Variants in ZSCAN26 observed in about 807,000 individuals in gnomAD.
ZSCAN26 encodes the protein zinc finger and SCAN domain-containing protein 26.
In ZSCAN26, 26 loss-of-function variants were observed where a neutral mutation model predicts 23.0. That is an observed-to-expected ratio of 1.13 (90% confidence interval 0.83 to 1.57). ZSCAN26 has a LOEUF of 1.57. Among genes scored for constraint, ZSCAN26 ranks in the 40% most tolerant of loss-of-function variants. The pLI is 0.00. For synonymous variants in ZSCAN26, 180 were observed against 202.5 expected (o/e 0.89, Z 0.94); for missense variants, 528 against 568.5 (o/e 0.93, Z 0.72).
rs1261429772 is a variant in ZSCAN26 at position 28,276,474 on chromosome 6, A to G, written c.818A>G (p.His273Arg). The G allele has an allele frequency of 5.6e-6, 9 of 1,614,024 alleles. No individual in the cohort carries two copies. Among genetic ancestry groups the G allele is most frequent in the Non-Finnish European group, 6.8e-6 (8 of 1,179,864 alleles). Reference sequence around the variant, plus strand: ...TGTCAGAGTTCCAGTCTTACAGGACATAAGAAAGTCCTCTCTAGAGAGAAA... The same window carrying G: ...TGTCAGAGTTCCAGTCTTACAGGACGTAAGAAAGTCCTCTCTAGAGAGAAA... ...DVCQSSSLTG[H>R]KKVLSREKGH... is the part of the protein sequence containing the mutation. Residue 273 changes from histidine to arginine, a missense_variant, in exon 4 of 4, where the codon CAT (histidine) becomes CGT (arginine). Physicochemically the swap from His to Arg is conservative, Grantham distance 29. Coordinates refer to ENST00000421553, the MANE Select transcript of ZSCAN26 (RefSeq NM_001023560.4).
chr6:28,271,786 A>G (rs933829179), intron 1 of ZSCAN26, 68 bp from the exon 2 acceptor site: 1 of 823,174 alleles, frequency 1.2e-6, no homozygotes, highest in Non-Finnish European at 1.9e-6. Context: ...TATAAACCCA[A>G]GAAAATGTTA....
At chr6:28,268,899 G>A (rs1341468785) in intron 1 of ZSCAN26, among the ~76,000 whole-genome samples, 3 of 152,048 alleles carry the variant, frequency 2.0e-5, no homozygotes, top group African/African-American at 4.8e-5. Flanking sequence ...GATCACTTGA[G>A]GTCAGGAATT....
At position 28,276,682 on chromosome 6, in the gene ZSCAN26, C is replaced by A. The variant is rs934351943; in HGVS notation, c.1026C>A (p.Ile342=). 6 of 1,611,630 alleles carry A rather than the reference C, an allele frequency of 3.7e-6. No homozygotes were observed. In the Admixed American group the frequency reaches 5.0e-5, roughly 14 times the overall value. Residue 342 remains isoleucine (I), a synonymous_variant, in exon 4 of 4, where the codon ATC becomes ATA. Transcript: ENST00000421553. ...IHTGEKPYLC[I]HCGKNFRRSS... ...CTGGAGAGAAACCTTATCTATGTAT[C>A]CATTGTGGAAAAAATTTTAGGCGCA...
At position 28,276,387 on chromosome 6, in the gene ZSCAN26, AC is replaced by A; in HGVS notation, c.732del (p.Leu245TrpfsTer3). The A allele has an allele frequency of 6.2e-7, 1 of 1,614,044 alleles. No individual in the cohort carries two copies. Among genetic ancestry groups the A allele is most frequent in the Non-Finnish European group, 8.5e-7 (1 of 1,179,896 alleles). ...CSEREQRFIQ[H>X]LDLIEHASTH... is the part of the protein sequence containing the mutation. ...GAACGTGAGCAGAGATTCATCCAGC[AC>A]TTGGACCTGATTGAACATGCGAGTA... On this transcript the variant is annotated frameshift_variant, in exon 4 of 4. Coordinates refer to ENST00000421553, the MANE Select transcript of ZSCAN26 (RefSeq NM_001023560.4). LOFTEE classifies it low-confidence loss of function (END_TRUNC).
chr6:28,271,332 C>T (rs1051160052), intron 1 of ZSCAN26, among the ~76,000 whole-genome samples: 5 of 152,118 alleles, frequency 3.3e-5, no homozygotes, highest in African/African-American at 1.2e-4. Context: ...TCTCTATTTC[C>T]TTGTCTTTCA....
In ZSCAN26 at chr6:28,277,956, A is replaced by G. The variant is rs1000407622; in HGVS notation, c.*860A>G. 2 of 152,204 alleles carry G rather than the reference A, an allele frequency of 1.3e-5. No individual in the cohort carries two copies. The highest frequency in any genetic ancestry group is 2.9e-5 in the Non-Finnish European group (2 of 68,036). The allele number at this position is 152,204 out of a possible 1,614,324, so 9.4% of individuals were successfully genotyped here. ...TTTTCCCTTTAATACTGATGATGCA[A>G]TTTTGAAATGTTGCTTGTTCTGGAA... On this transcript the variant is annotated 3_prime_UTR_variant, in exon 4 of 4. Transcript: ENST00000421553.
At chr6:28,272,435 A>G in intron 2 of ZSCAN26, 96 bp downstream of exon 2, 1 of 1,372,618 alleles carries the variant, frequency 7.3e-7, no homozygotes, top group South Asian at 1.6e-5. Flanking sequence ...AGAATTACTA[A>G]GCTTTGATTC....
At chr6:28,274,338 G>T (rs1363016912) in intron 3 of ZSCAN26, among the ~76,000 whole-genome samples, 1 of 152,024 alleles carries the variant, frequency 6.6e-6, no homozygotes, top group African/African-American at 2.4e-5. Context: ...CTTTCTTCTG[G>T]GAGCATCCTG....
In ZSCAN26 at chr6:28,276,831, C is replaced by T. The variant is rs749003843; in HGVS notation, c.1175C>T (p.Ser392Phe). ...LTHHQRIHSH[S>F]KSHQCNECGK... The stretch of plus-strand genomic sequence containing the variant: ...CACCATCAGAGAATCCATAGTCACT[C>T]CAAAAGCCATCAATGTAACGAGTGT... The change falls in exon 4 of 4, where the codon TCC becomes TTC. Residue 392 changes from serine to phenylalanine, a missense_variant. Ser to Phe is a radical substitution (Grantham distance 155, BLOSUM62 -2). Transcript: ENST00000421553. 3 of 1,613,906 alleles carry T rather than the reference C, an allele frequency of 1.9e-6. 1 individual carries two copies. In the African/African-American group the frequency reaches 4.0e-5, roughly 22 times the overall value.
At chr6:28,269,768 T>C (rs1467563918) in intron 1 of ZSCAN26, among the ~76,000 whole-genome samples, 3 of 152,202 alleles carry the variant, frequency 2.0e-5, no homozygotes, top group Non-Finnish European at 4.4e-5. Context: ...ACCAACATTA[T>C]GGAGGGCAGT....
Position 28,277,408 on chromosome 6 carries a change from G to T in ZSCAN26, c.*312G>T. ...AGCTTCATGACTGAGTAAGAGTTTT[G>T]AAGTCAGCAGTGAATCAAGTGCCCA... On this transcript the variant is annotated 3_prime_UTR_variant, in exon 4 of 4. Coordinates refer to ENST00000421553, the MANE Select transcript of ZSCAN26 (RefSeq NM_001023560.4). 3.6e-6 allele frequency: 1 copy of T among 276,602 alleles called. No homozygotes were observed. Among genetic ancestry groups the T allele is most frequent in the Non-Finnish European group, 6.8e-6 (1 of 146,796 alleles). 17.1% of individuals were successfully genotyped at this position (276,602 alleles called of 1,614,324 possible).
intron 1 of ZSCAN26, among the ~76,000 whole-genome samples, chr6:28,271,434 G>A (rs1441421205): frequency 6.6e-6 from 1 of 151,416 alleles, no homozygotes; most frequent in African/African-American, 2.4e-5. Context: ...TGGTTGCCCA[G>A]GCTGAACTCA....
intron 1 of ZSCAN26, among the ~76,000 whole-genome samples, chr6:28,271,234 G>A (rs377453320): frequency 1.8e-4 from 27 of 152,152 alleles, no homozygotes; most frequent in South Asian, 1.7e-3. Context: ...CCAGGATTCC[G>A]GCTCCATATA....
In ZSCAN26 at chr6:28,272,265, C is replaced by G; in HGVS notation, c.346C>G (p.Pro116Ala). ...CCAGGCCCGGGTGCAGGAGCATCAC[C>G]CAGAGAGCAGGGAGGACGTGGTTGT... The part of the protein sequence containing the change: ...ELQARVQEHH[P>A]ESREDVVVVL... The change falls in exon 2 of 4, where the codon CCA (proline) becomes GCA (alanine). Residue 116 changes from proline to alanine, a missense_variant. By Grantham distance (27) the Pro-to-Ala change is conservative. Transcript: ENST00000421553. The G allele has an allele frequency of 6.2e-7, 1 of 1,608,894 alleles. No homozygotes were observed. Among genetic ancestry groups the G allele is most frequent in the Non-Finnish European group, 8.5e-7 (1 of 1,177,504 alleles).
In ZSCAN26 at chr6:28,272,749, G is replaced by C; in HGVS notation, c.500G>C (p.Arg167Pro). ...PLKGVQEQQVRHECEVTKPEK... is the reference protein window; with the variant it reads ...PLKGVQEQQVPHECEVTKPEK... Reference sequence around the variant, plus strand: ...AAAGGAGTACAGGAACAGCAGGTTCGGCATGAGTGTGAAGTTACAAAGCCT... The same window carrying C: ...AAAGGAGTACAGGAACAGCAGGTTCCGCATGAGTGTGAAGTTACAAAGCCT... Residue 167 changes from arginine (R) to proline (P), a missense_variant, in exon 3 of 4, where the codon CGG (arginine) becomes CCG (proline). Coordinates refer to ENST00000421553, the MANE Select transcript of ZSCAN26 (RefSeq NM_001023560.4). 2 of 1,613,434 alleles carry C rather than the reference G, an allele frequency of 1.2e-6. No individual in the cohort carries two copies. Among genetic ancestry groups the C allele is most frequent in the Non-Finnish European group, 1.7e-6 (2 of 1,179,674 alleles).
Position 28,272,717 on chromosome 6 carries a change from C to A in ZSCAN26, c.468C>A (p.Ala156=). The change falls in exon 3 of 4, where the codon GCC becomes GCA. Residue 156 remains alanine, a synonymous_variant. Transcript: ENST00000421553. Reference sequence around the variant, plus strand: ...AAAAAATACTTGTGGAGGAGATGGCCCCTCTGAAAGGAGTACAGGAACAGC... The same window carrying A: ...AAAAAATACTTGTGGAGGAGATGGCACCTCTGAAAGGAGTACAGGAACAGC... The part of the protein sequence containing the change: ...KKQKILVEEM[A]PLKGVQEQQV... 6.2e-7 allele frequency: 1 copy of A among 1,613,160 alleles called. No homozygotes were observed. Among genetic ancestry groups the A allele is most frequent in the Non-Finnish European group, 8.5e-7 (1 of 1,179,608 alleles).
chr6:28,269,968 G>C (rs1475495337), intron 1 of ZSCAN26, among the ~76,000 whole-genome samples: 1 of 152,014 alleles, frequency 6.6e-6, no homozygotes, highest in Non-Finnish European at 1.5e-5. Context: ...TTTTGAGACA[G>C]AGTCTCACTC....
Position 28,272,757 on chromosome 6 carries a change from T to C in ZSCAN26, c.508T>C (p.Cys170Arg), listed in dbSNP as rs773372053. 1.1e-5 allele frequency: 18 copies of C among 1,613,182 alleles called. No homozygotes were observed. The highest frequency in any genetic ancestry group is 3.3e-5 in the Admixed American group (2 of 59,952). ...ACAGGAACAGCAGGTTCGGCATGAGTGTGAAGTTACAAAGCCTGAGAAAGA... is the reference window on the plus strand; with the variant it reads ...ACAGGAACAGCAGGTTCGGCATGAGCGTGAAGTTACAAAGCCTGAGAAAGA... The part of the protein sequence containing the change: ...GVQEQQVRHE[C>R]EVTKPEKEKG... The change falls in exon 3 of 4, where the codon TGT becomes CGT. Residue 170 changes from cysteine (C) to arginine (R), a missense_variant. By Grantham distance (180) the Cys-to-Arg change is radical. Coordinates refer to ENST00000421553, the MANE Select transcript of ZSCAN26 (RefSeq NM_001023560.4).
rs566570437 is a variant in ZSCAN26 at position 28,272,804 on chromosome 6, A to G, written c.538+17A>G. On this transcript the variant is annotated intron_variant, in intron 3 of 3. Transcript: ENST00000421553. ...AAGAGAAGGGTAAGAATTGGATTGC[A>G]TCTTCTGTGTGTGAGACGTGGTGGA... The G allele has an allele frequency of 1.0e-5, 16 of 1,597,600 alleles. No homozygotes were observed. Among genetic ancestry groups the G allele is most frequent in the Middle Eastern group, 1.7e-4 (1 of 6,026 alleles).
Sources: allele counts gnomAD v4.1 joint callset (sites outside exome capture counted in the v4.1 genomes callset), GRCh38; gene constraint gnomAD v4.1.1; transcripts MANE v1.5; gene names NCBI Gene and HGNC (gene_info 2026-07-23, HGNC 2026-07-21).